SGCZ: variants seen among roughly 807,000 people sequenced by gnomAD.
SGCZ encodes the protein sarcoglycan zeta.
In SGCZ, 40 loss-of-function variants were observed where a neutral mutation model predicts 41.3. The ratio of observed to expected loss-of-function variants is 0.97; its 90% CI spans 0.75 to 1.26. The LOEUF (loss-of-function observed/expected upper bound fraction) is 1.26. SGCZ is among the 50% of genes most tolerant of loss of function. SGCZ has a pLI of 0.00. For missense variants in SGCZ, 552 were observed against 369.8 expected, an observed-to-expected ratio of 1.49 and a Z score of -4.04; for synonymous variants, 206 against 137.5, an observed-to-expected ratio of 1.50 and a Z score of -3.49.
chr8:14,701,951 C>G (rs1011779087), intron 1 of SGCZ, among the ~76,000 whole-genome samples: 2 of 151,848 alleles, frequency 1.3e-5, no homozygotes, highest in South Asian at 4.1e-4. Context: ...TCCACATTTG[C>G]CCCCAGCTAT....
chr8:14,397,834 T>A (rs529542703), intron 2 of SGCZ, among the ~76,000 whole-genome samples: 2 of 152,226 alleles, frequency 1.3e-5, no homozygotes, highest in East Asian at 1.9e-4. Context: ...AGGTGCTTCG[T>A]CTAAGATTGT....
intron 1 of SGCZ, among the ~76,000 whole-genome samples, chr8:14,927,274 A>C (rs1296840015): frequency 1.3e-5 from 2 of 151,754 alleles, no homozygotes; most frequent in Non-Finnish European, 2.9e-5. Context: ...ACGCCCGCCT[A>C]ATTTTTTTCT....
At chr8:14,693,802 G>C (rs182864058) in intron 1 of SGCZ, among the ~76,000 whole-genome samples, 122 of 152,048 alleles carry the variant, frequency 8.0e-4, no homozygotes, top group African/African-American at 2.8e-3. Flanking sequence ...ATGTTGGCCA[G>C]GCTGACCTCA....
chr8:14,272,553 G>T (rs985867569), intron 3 of SGCZ, among the ~76,000 whole-genome samples: 1 of 152,150 alleles, frequency 6.6e-6, no homozygotes, highest in Non-Finnish European at 1.5e-5. Flanking sequence ...GGAGTTGTCA[G>T]TGAAAGCACA....
At chr8:14,281,563 C>G (rs1427005) in intron 3 of SGCZ, among the ~76,000 whole-genome samples, 141,837 of 151,992 alleles carry the variant, frequency 0.93, 66,887 homozygotes, top group East Asian at 1. Context: ...GGTTTGGGGG[C>G]CTCCAATTTA....
At chr8:14,999,540 G>A (rs965421104) in intron 1 of SGCZ, among the ~76,000 whole-genome samples, 2 of 152,162 alleles carry the variant, frequency 1.3e-5, no homozygotes, top group Non-Finnish European at 2.9e-5. Context: ...ATACTTATTA[G>A]GGTCGAGAAA....
chr8:14,629,068 A>C (rs1472347567), intron 1 of SGCZ, among the ~76,000 whole-genome samples: 1 of 152,136 alleles, frequency 6.6e-6, no homozygotes, highest in African/African-American at 2.4e-5. Flanking sequence ...ATTTGACCAG[A>C]TTTGGGGAAA....
chr8:14,404,584 CAG>C (rs1414837765), intron 2 of SGCZ, among the ~76,000 whole-genome samples: 3 of 152,146 alleles, frequency 2.0e-5, no homozygotes, highest in Non-Finnish European at 4.4e-5. Context: ...CTTTAACAAT[CAG>C]AAAGAATCTA....
At chr8:14,220,131 G>A (rs992019064) in intron 4 of SGCZ, among the ~76,000 whole-genome samples, 2 of 152,126 alleles carry the variant, frequency 1.3e-5, no homozygotes, top group African/African-American at 2.4e-5. Context: ...TCAAAAAGAT[G>A]CATATAAACG....
At chr8:14,430,991 G>A (rs909826688) in intron 2 of SGCZ, among the ~76,000 whole-genome samples, 2 of 152,126 alleles carry the variant, frequency 1.3e-5, no homozygotes, top group African/African-American at 4.8e-5. Context: ...AACCAAGGAG[G>A]TGAAAGACCT....
At chr8:14,753,263 A>G (rs867509491) in intron 1 of SGCZ, among the ~76,000 whole-genome samples, 3 of 152,152 alleles carry the variant, frequency 2.0e-5, no homozygotes, top group Non-Finnish European at 4.4e-5. Context: ...TTTCTCTATT[A>G]TCAAATAATG....
At chr8:14,930,238 A>T (rs1262303329) in intron 1 of SGCZ, among the ~76,000 whole-genome samples, 2 of 152,100 alleles carry the variant, frequency 1.3e-5, no homozygotes, top group African/African-American at 4.8e-5. Flanking sequence ...TATGAAAAAA[A>T]GCTCATCAGG....
chr8:14,152,555 A>G (rs1048471870), intron 5 of SGCZ, among the ~76,000 whole-genome samples: 1 of 152,204 alleles, frequency 6.6e-6, no homozygotes, highest in African/African-American at 2.4e-5. Context: ...ACCAGACTGG[A>G]GAGGATGTGA....
chr8:15,097,759 T>TG (rs1806404402), intron 1 of SGCZ, among the ~76,000 whole-genome samples: 1 of 144,294 alleles, frequency 6.9e-6, no homozygotes, highest in Admixed American at 7.0e-5. Context: ...TACACGTATA[T>TG]ATGTGTTTAT....
At chr8:14,965,754 T>C (rs552682828) in intron 1 of SGCZ, among the ~76,000 whole-genome samples, 1 of 152,296 alleles carries the variant, frequency 6.6e-6, no homozygotes, top group South Asian at 2.1e-4. Flanking sequence ...TTCCTATGTA[T>C]AATATTTTAC....
chr8:14,283,262 T>G (rs1311192164), intron 3 of SGCZ, among the ~76,000 whole-genome samples: 1 of 152,148 alleles, frequency 6.6e-6, no homozygotes, highest in Non-Finnish European at 1.5e-5. Flanking sequence ...CAGCTGAGAA[T>G]TGCTGGAAAC....
At chr8:14,298,723 A>G (rs1247908071) in intron 3 of SGCZ, among the ~76,000 whole-genome samples, 1 of 152,064 alleles carries the variant, frequency 6.6e-6, no homozygotes, top group Non-Finnish European at 1.5e-5. Context: ...ATGTCAATGT[A>G]TTGGATGACA....
intron 1 of SGCZ, among the ~76,000 whole-genome samples, chr8:14,749,301 C>G (rs1284158427): frequency 6.6e-6 from 1 of 152,170 alleles, no homozygotes; most frequent in Non-Finnish European, 1.5e-5. Context: ...GTTCCCTGCT[C>G]TGTTTCCCAG....
chr8:14,921,821 G>A (rs922657), intron 1 of SGCZ, among the ~76,000 whole-genome samples: 42,400 of 151,932 alleles, frequency 0.28, 8,538 homozygotes, highest in African/African-American at 0.57. Context: ...AATTAATGGC[G>A]ACTTTAGAAA....
Sources: allele counts gnomAD v4.1 joint callset (sites outside exome capture counted in the v4.1 genomes callset), GRCh38; gene constraint gnomAD v4.1.1; transcripts MANE v1.5; gene names NCBI Gene and HGNC (gene_info 2026-07-23, HGNC 2026-07-21).